The following COMMD10 variants were observed in gnomAD, a reference collection of about 807,000 sequenced individuals.
COMMD10 encodes the protein COMM domain-containing protein 10.
COMMD10 carries 33 observed loss-of-function variants against 28.9 expected under a neutral mutation model. The ratio of observed to expected loss-of-function variants is 1.14; its 90% CI spans 0.87 to 1.53. The LOEUF is 1.53. COMMD10 is among the 40% of genes most tolerant of loss of function. The pLI is 0.00. For synonymous variants in COMMD10, 110 were observed against 81.7 expected, an observed-to-expected ratio of 1.35 and a Z score of -1.87; for missense variants, 310 against 233.4, an observed-to-expected ratio of 1.33 and a Z score of -2.14.
intron 5 of COMMD10, among the ~76,000 whole-genome samples, chr5:116,265,046 AATT>A (rs1270844430): frequency 6.6e-6 from 1 of 151,806 alleles, no homozygotes; most frequent in Non-Finnish European, 1.5e-5. Context: ...CAGTGAAATG[AATT>A]TCATAGCCTC....
chr5:116,265,503 A>C (rs995907879), intron 5 of COMMD10, among the ~76,000 whole-genome samples: 8 of 151,782 alleles, frequency 5.3e-5, no homozygotes, highest in Non-Finnish European at 7.4e-5. Flanking sequence ...AAAACATTAC[A>C]TATGAGAGTT....
intron 5 of COMMD10, among the ~76,000 whole-genome samples, chr5:116,240,582 C>T (rs1021270644): frequency 6.6e-6 from 1 of 152,060 alleles, no homozygotes; most frequent in Non-Finnish European, 1.5e-5. Context: ...TTCTTTAAGC[C>T]ATGTTGCATG....
intron 5 of COMMD10, among the ~76,000 whole-genome samples, chr5:116,167,719 A>G (rs1001237670): frequency 1.3e-5 from 2 of 152,180 alleles, no homozygotes; most frequent in African/African-American, 4.8e-5. Flanking sequence ...AGAATTTCCT[A>G]TCCAACCTAG....
At chr5:116,144,028 C>T (rs962021053) in intron 5 of COMMD10, among the ~76,000 whole-genome samples, 12 of 151,750 alleles carry the variant, frequency 7.9e-5, no homozygotes, top group African/African-American at 2.7e-4. Context: ...TGAAAGACGA[C>T]AGGTTTATTT....
rs114339234 is a variant in COMMD10 at position 116,282,586 on chromosome 5, C to A, written c.511-8931C>A. On this transcript the variant is annotated intron_variant, in intron 5 of 6. Coordinates refer to ENST00000274458, the MANE Select transcript of COMMD10 (RefSeq NM_016144.4). ...GGCGACCATAACAAAGTAACACAAA[C>A]GAGGTAGCTTAAACAACAGAAAATT... 3.2e-4 allele frequency among the ~76,000 whole-genome samples: 49 copies of A among 151,800 alleles called. 1 individual carries two copies. Among genetic ancestry groups the A allele is most frequent in the African/African-American group, 1.2e-3 (48 of 41,126 alleles).
intron 5 of COMMD10, among the ~76,000 whole-genome samples, chr5:116,195,724 T>C (rs1400353671): frequency 6.6e-6 from 1 of 151,944 alleles, no homozygotes; most frequent in Non-Finnish European, 1.5e-5. Context: ...TTGTTTAATA[T>C]TACTCAAATC....
chr5:116,169,168 C>T (rs1753236312), intron 5 of COMMD10, among the ~76,000 whole-genome samples: 1 of 152,072 alleles, frequency 6.6e-6, no homozygotes, highest in South Asian at 2.1e-4. Flanking sequence ...AAGGGGATAT[C>T]ACCACTGATC....
intron 5 of COMMD10, among the ~76,000 whole-genome samples, chr5:116,221,894 G>GA (rs1443562004): frequency 2.6e-5 from 4 of 152,284 alleles, no homozygotes; most frequent in East Asian, 1.9e-4. Context: ...GATAGGAAGG[G>GA]AGGGAGGTAG....
At chr5:116,088,969 C>T (rs1351434452) in intron 2 of COMMD10, among the ~76,000 whole-genome samples, 1 of 152,196 alleles carries the variant, frequency 6.6e-6, no homozygotes, top group Admixed American at 6.5e-5. Context: ...AGTTGGCACT[C>T]AGTAAATGTT....
chr5:116,220,496 G>C (rs1184090573), intron 5 of COMMD10, among the ~76,000 whole-genome samples: 2 of 152,050 alleles, frequency 1.3e-5, no homozygotes, highest in Non-Finnish European at 2.9e-5. Flanking sequence ...GGATGGAAGG[G>C]AACATGTCTG....
At chr5:116,170,141 C>T (rs765254848) in intron 5 of COMMD10, among the ~76,000 whole-genome samples, 4 of 152,156 alleles carry the variant, frequency 2.6e-5, no homozygotes, top group South Asian at 4.1e-4. Context: ...TCAGCAAAGT[C>T]TCAGGATACA....
At chr5:116,175,275 T>G (rs1753467134) in intron 5 of COMMD10, among the ~76,000 whole-genome samples, 1 of 152,090 alleles carries the variant, frequency 6.6e-6, no homozygotes, top group South Asian at 2.1e-4. Flanking sequence ...AAAAAAAAAT[T>G]GCTGCAGCTC....
intron 5 of COMMD10, among the ~76,000 whole-genome samples, chr5:116,148,977 A>G (rs1281853437): frequency 6.7e-6 from 1 of 148,512 alleles, no homozygotes; most frequent in African/African-American, 2.5e-5. Context: ...CATTAGGTAT[A>G]TCTCCTAAAG....
At chr5:116,186,992 A>G (rs1005251224) in intron 5 of COMMD10, among the ~76,000 whole-genome samples, 1 of 152,200 alleles carries the variant, frequency 6.6e-6, no homozygotes, top group Non-Finnish European at 1.5e-5. Context: ...TAGGAAGCTG[A>G]GTATTTTGTT....
intron 5 of COMMD10, among the ~76,000 whole-genome samples, chr5:116,194,110 T>G (rs756753306): frequency 1.6e-4 from 24 of 152,086 alleles, no homozygotes; most frequent in African/African-American, 5.8e-4. Flanking sequence ...TAAAAATTCT[T>G]TGAACTGAAC....
intron 5 of COMMD10, among the ~76,000 whole-genome samples, chr5:116,166,845 A>G (rs889250505): frequency 5.3e-5 from 8 of 152,164 alleles, no homozygotes; most frequent in African/African-American, 1.9e-4. Flanking sequence ...TCCGAAGGTC[A>G]CCAACATCAA....
intron 5 of COMMD10, among the ~76,000 whole-genome samples, chr5:116,285,254 C>G (rs1032065803): frequency 6.6e-6 from 1 of 151,948 alleles, no homozygotes; most frequent in South Asian, 2.1e-4. Context: ...GTGCTCTATA[C>G]TCCTTACTTG....
intron 5 of COMMD10, among the ~76,000 whole-genome samples, chr5:116,195,996 C>T (rs145784255): frequency 0.012 from 1,796 of 152,252 alleles, 35 homozygotes; most frequent in African/African-American, 0.04. Flanking sequence ...GGAATGTAAA[C>T]TAGTACAGCC....
At chr5:116,232,990 A>G (rs1580568556) in intron 5 of COMMD10, among the ~76,000 whole-genome samples, 1 of 152,182 alleles carries the variant, frequency 6.6e-6, no homozygotes, top group Non-Finnish European at 1.5e-5. Context: ...ATTCCGGCTA[A>G]ATGGTGTGCC....
Sources: allele counts gnomAD v4.1 joint callset (sites outside exome capture counted in the v4.1 genomes callset), GRCh38; gene constraint gnomAD v4.1.1; transcripts MANE v1.5; gene names NCBI Gene and HGNC (gene_info 2026-07-23, HGNC 2026-07-21).